FARS2: variants seen among roughly 807,000 people sequenced by gnomAD.
The protein encoded by FARS2 is phenylalanyl-tRNA synthetase 2, mitochondrial.
A neutral mutation model predicts 46.4 loss-of-function variants in FARS2; 40 were observed. The ratio of observed to expected loss-of-function variants is 0.86; its 90% confidence interval spans 0.67 to 1.12. The LOEUF is 1.12. Among genes scored for constraint, FARS2 ranks in the 50% most tolerant of loss-of-function variants. The pLI is 0.00. For missense variants in FARS2, 513 were observed against 567.9 expected (o/e 0.90, Z 0.98); for synonymous variants, 234 against 214.9 (o/e 1.09, Z -0.78).
At chr6:5,345,712 A>T (rs1757186044) in intron 1 of FARS2, among the ~76,000 whole-genome samples, 1 of 152,200 alleles carries the variant, frequency 6.6e-6, no homozygotes, top group Non-Finnish European at 1.5e-5. Context: ...GAACTTTAAG[A>T]ATGTTCCCTT....
At chr6:5,276,900 C>T (rs1051136796) in intron 1 of FARS2, among the ~76,000 whole-genome samples, 4 of 152,208 alleles carry the variant, frequency 2.6e-5, no homozygotes, top group African/African-American at 9.6e-5. Context: ...TCAGGCAGCA[C>T]AGGAGGAACA....
At chr6:5,683,171 G>A (rs1779119371) in intron 6 of FARS2, among the ~76,000 whole-genome samples, 1 of 152,206 alleles carries the variant, frequency 6.6e-6, no homozygotes, top group African/African-American at 2.4e-5. Flanking sequence ...GAAGAGGGTA[G>A]CAGAGGGCTG....
intron 5 of FARS2, among the ~76,000 whole-genome samples, chr6:5,601,249 C>T (rs1045985241): frequency 5.3e-5 from 8 of 152,086 alleles, no homozygotes; most frequent in African/African-American, 1.4e-4. Context: ...GGGCCGGGCT[C>T]GGTGGTTCAC....
chr6:5,730,367 G>A (rs1403303094), intron 6 of FARS2, among the ~76,000 whole-genome samples: 3 of 152,206 alleles, frequency 2.0e-5, no homozygotes, highest in Non-Finnish European at 4.4e-5. Flanking sequence ...GTTGGGGGAA[G>A]GTACTTGGGA....
chr6:5,292,201 A>G (rs1767554196), intron 1 of FARS2, among the ~76,000 whole-genome samples: 1 of 152,204 alleles, frequency 6.6e-6, no homozygotes. Flanking sequence ...TGATGACAAG[A>G]CATGAGATTG....
chr6:5,571,842 T>G (rs1197703459), intron 5 of FARS2, among the ~76,000 whole-genome samples: 1 of 152,058 alleles, frequency 6.6e-6, no homozygotes, highest in Non-Finnish European at 1.5e-5. Flanking sequence ...TTGGGCTCCC[T>G]CTTTACCCCC....
chr6:5,632,378 A>C (rs920657610), intron 6 of FARS2, among the ~76,000 whole-genome samples: 2 of 152,098 alleles, frequency 1.3e-5, no homozygotes, highest in African/African-American at 4.8e-5. Context: ...AGATGGGAAG[A>C]GTGTTCTTTT....
chr6:5,318,703 C>A (rs1011127037), intron 1 of FARS2, among the ~76,000 whole-genome samples: 3 of 152,194 alleles, frequency 2.0e-5, no homozygotes, highest in Non-Finnish European at 4.4e-5. Context: ...TAAATACTCT[C>A]TAGAGCTTTC....
intron 6 of FARS2, among the ~76,000 whole-genome samples, chr6:5,720,903 A>T (rs1377290247): frequency 6.6e-6 from 1 of 152,102 alleles, no homozygotes; most frequent in Non-Finnish European, 1.5e-5. Flanking sequence ...ATTTTTTTTA[A>T]TTAGCTGTGC....
intron 2 of FARS2, among the ~76,000 whole-genome samples, chr6:5,377,812 T>A (rs1759480515): frequency 6.6e-6 from 1 of 152,206 alleles, no homozygotes. Flanking sequence ...GCAATTTCTC[T>A]TATGAAGTGA....
rs546080870 is a variant in FARS2, at chr6:5,767,750, G to A, written c.1218-3541G>A. On this transcript the variant is annotated intron_variant, in intron 6 of 6. Transcript: ENST00000274680. Reference sequence around the variant, plus strand: ...TATGTGAATGCCTCAGAACAGTAACGGGTGTACAAAACTGGTGCATAAATG... The same window carrying A: ...TATGTGAATGCCTCAGAACAGTAACAGGTGTACAAAACTGGTGCATAAATG... 2.0e-5 allele frequency among the ~76,000 whole-genome samples: 3 copies of A among 152,294 alleles called. No individual in the cohort carries two copies. In the South Asian group the frequency reaches 6.2e-4, roughly 32 times the overall value.
intron 4 of FARS2, among the ~76,000 whole-genome samples, chr6:5,520,025 G>A (rs1380859165): frequency 6.6e-6 from 1 of 152,118 alleles, no homozygotes; most frequent in Non-Finnish European, 1.5e-5. Flanking sequence ...GAACAGTTCT[G>A]ACCAGTTCCC....
At chr6:5,632,689 A>C (rs1776354585) in intron 6 of FARS2, among the ~76,000 whole-genome samples, 1 of 143,226 alleles carries the variant, frequency 7.0e-6, no homozygotes, top group Admixed American at 7.3e-5. Flanking sequence ...ATGAGTGTGA[A>C]GTGGTGTCTC....
At chr6:5,659,693 T>C (rs1387546732) in intron 6 of FARS2, among the ~76,000 whole-genome samples, 2 of 152,210 alleles carry the variant, frequency 1.3e-5, no homozygotes, top group African/African-American at 4.8e-5. Flanking sequence ...AAATGCTACA[T>C]ACCAGTGGAG....
intron 2 of FARS2, among the ~76,000 whole-genome samples, chr6:5,371,805 A>G (rs1431953829): frequency 1.3e-5 from 2 of 152,104 alleles, no homozygotes; most frequent in Non-Finnish European, 2.9e-5. Flanking sequence ...AAAATATGGT[A>G]AATAGAAACC....
chr6:5,405,480 CTTTTTTTTTTTTTTT>C (rs398000284), intron 3 of FARS2, among the ~76,000 whole-genome samples: 3 of 58,946 alleles, frequency 5.1e-5, no homozygotes, highest in Admixed American at 5.1e-4. Flanking sequence ...GAGCAAGGTT[CTTTTTTTTTTTTTTT>C]TTTTTTTTTT....
chr6:5,395,576 C>A (rs75747733), intron 2 of FARS2, among the ~76,000 whole-genome samples: 10,928 of 152,232 alleles, frequency 0.072, 461 homozygotes, highest in African/African-American at 0.11. Flanking sequence ...TGTACCATTA[C>A]TAGTGAAATA....
intron 4 of FARS2, among the ~76,000 whole-genome samples, chr6:5,481,572 A>T (rs1292959116): frequency 6.6e-6 from 1 of 151,876 alleles, no homozygotes. Context: ...CATTAAGTTG[A>T]CTCTTTGAAA....
At chr6:5,621,113 G>A (rs1482673950) in intron 6 of FARS2, among the ~76,000 whole-genome samples, 3 of 152,094 alleles carry the variant, frequency 2.0e-5, no homozygotes, top group South Asian at 2.1e-4. Flanking sequence ...AGATTCTGGG[G>A]TGTTTGTTTG....
Sources: gnomAD v4.1 joint callset for allele counts (sites outside exome capture counted in the v4.1 genomes callset) on GRCh38, gnomAD v4.1.1 for gene constraint, MANE v1.5 for transcripts, NCBI Gene and HGNC (gene_info 2026-07-23, HGNC 2026-07-21) for gene names.